The following BBS9 variants were observed in gnomAD, a reference collection of about 807,000 sequenced individuals.
BBS9 encodes the protein Bardet-Biedl syndrome 9.
BBS9 carries 89 observed loss-of-function variants against 117.7 expected under a neutral mutation model. The ratio of observed to expected loss-of-function variants is 0.76; its 90% confidence interval spans 0.64 to 0.90. The LOEUF is 0.90. Among genes scored for constraint, BBS9 ranks in the 40% least tolerant of loss-of-function variants. The pLI is 0.00. For synonymous variants in BBS9, 379 were observed against 370.9 expected, an observed-to-expected ratio of 1.02 and a Z score of -0.25; for missense variants, 982 against 1,042.2, an observed-to-expected ratio of 0.94 and a Z score of 0.80.
chr7:33,279,633 C>A (rs1801438394), intron 9 of BBS9, among the ~76,000 whole-genome samples: 1 of 152,190 alleles, frequency 6.6e-6, no homozygotes, highest in Non-Finnish European at 1.5e-5. Flanking sequence ...TCTTTCCACT[C>A]CCACCTACTT....
intron 9 of BBS9, among the ~76,000 whole-genome samples, chr7:33,306,686 A>G (rs1361231042): frequency 6.6e-6 from 1 of 152,134 alleles, no homozygotes; most frequent in Non-Finnish European, 1.5e-5. Context: ...GAGTAGACGT[A>G]CAAAAAGCAT....
intron 5 of BBS9, among the ~76,000 whole-genome samples, chr7:33,250,503 AC>A (rs1356555052): frequency 6.6e-6 from 1 of 152,168 alleles, no homozygotes; most frequent in Non-Finnish European, 1.5e-5. Flanking sequence ...GAATGACAAA[AC>A]TTTCATGGCT....
chr7:33,439,248 A>C (rs998303739), intron 19 of BBS9, among the ~76,000 whole-genome samples: 2 of 152,108 alleles, frequency 1.3e-5, no homozygotes, highest in Non-Finnish European at 2.9e-5. Context: ...TTTTGGAATC[A>C]GTTTATTTCT....
At position 33,397,955 on chromosome 7, in the gene BBS9, C is replaced by T. The variant is rs183923785; in HGVS notation, c.2115+9811C>T. 4.9e-3 allele frequency among the ~76,000 whole-genome samples: 751 copies of T among 151,750 alleles called. 10 individuals carry two copies. Among genetic ancestry groups the T allele is most frequent in the African/African-American group, 0.017 (709 of 41,360 alleles). On this transcript the variant is annotated intron_variant, in intron 19 of 22. Transcript: ENST00000242067. ...CTGTGTAACAAACCTGCACATCCTGCACATGTACCCTTGAACTTAAAATAA... is the reference window on the plus strand; with the variant it reads ...CTGTGTAACAAACCTGCACATCCTGTACATGTACCCTTGAACTTAAAATAA...
intron 7 of BBS9, among the ~76,000 whole-genome samples, chr7:33,266,438 A>T (rs963222838): frequency 6.6e-6 from 1 of 152,212 alleles, no homozygotes; most frequent in African/African-American, 2.4e-5. Context: ...GTGTTCAGAA[A>T]AATAATTTGT....
intron 19 of BBS9, among the ~76,000 whole-genome samples, chr7:33,465,696 A>G (rs1840063586): frequency 6.6e-6 from 1 of 152,114 alleles, no homozygotes; most frequent in African/African-American, 2.4e-5. Context: ...TGGTGACAAT[A>G]GCCTCATTTT....
chr7:33,558,019 A>G (rs926027021), intron 21 of BBS9, among the ~76,000 whole-genome samples: 1 of 152,230 alleles, frequency 6.6e-6, no homozygotes. Context: ...GAAGTGAGGT[A>G]AACTGGGAAC....
chr7:33,367,806 T>C lies in BBS9; in HGVS notation c.1733T>C (p.Met578Thr), dbSNP rs1822077063. ...TCAGATGATGATCAGGTGAATGTAA[T>C]GGGTTTTCACTTCTTAGGAGGTGCT... ...SQSDDDQVNV[M>T]GFHFLGGARI... Residue 578 changes from methionine to threonine, a missense_variant, in exon 17 of 23, where the codon ATG becomes ACG. Met to Thr is a moderately conservative substitution (Grantham distance 81). Transcript: ENST00000242067. 6.2e-7 allele frequency: 1 copy of C among 1,613,920 alleles called. No homozygotes were observed. The highest frequency in any genetic ancestry group is 1.7e-4 in the Middle Eastern group (1 of 6,056).
chr7:33,484,172 C>A (rs950737295), intron 19 of BBS9, among the ~76,000 whole-genome samples: 17 of 152,264 alleles, frequency 1.1e-4, no homozygotes, highest in African/African-American at 4.1e-4. Flanking sequence ...CCACTTAAAT[C>A]AAATTCAGCA....
intron 19 of BBS9, among the ~76,000 whole-genome samples, chr7:33,485,774 A>G (rs968309556): frequency 3.3e-5 from 5 of 152,236 alleles, no homozygotes; most frequent in African/African-American, 1.2e-4. Context: ...ACTCAAATCC[A>G]AAATTAAATA....
chr7:33,482,079 C>T (rs1020120421), intron 19 of BBS9, among the ~76,000 whole-genome samples: 1 of 151,904 alleles, frequency 6.6e-6, no homozygotes, highest in African/African-American at 2.4e-5. Flanking sequence ...GAGGGTGGTA[C>T]TAAAGTGTGA....
intron 5 of BBS9, among the ~76,000 whole-genome samples, chr7:33,191,982 T>C (rs1476779101): frequency 6.6e-6 from 1 of 151,922 alleles, no homozygotes; most frequent in African/African-American, 2.4e-5. Context: ...AAGCACCACC[T>C]CCCAAACGCA....
At chr7:33,268,137 A>T (rs1799130485) in intron 7 of BBS9, among the ~76,000 whole-genome samples, 2 of 152,222 alleles carry the variant, frequency 1.3e-5, no homozygotes, top group South Asian at 4.1e-4. Context: ...TGGTGGGCAC[A>T]GGAAATATCT....
chr7:33,361,041 T>C (rs981526220), intron 16 of BBS9, among the ~76,000 whole-genome samples: 3 of 152,198 alleles, frequency 2.0e-5, no homozygotes, highest in African/African-American at 4.8e-5. Context: ...GAAATAGCTA[T>C]ATAGTAATGA....
chr7:33,165,197 C>A (rs192798423), intron 4 of BBS9, among the ~76,000 whole-genome samples: 1 of 152,132 alleles, frequency 6.6e-6, no homozygotes, highest in African/African-American at 2.4e-5. Context: ...CCGAGAGATC[C>A]GCTGTTAGTC....
chr7:33,383,550 C>T (rs1359065989), intron 17 of BBS9, 116 bp from the exon 18 acceptor site: 1 of 941,000 alleles, frequency 1.1e-6, no homozygotes, highest in Non-Finnish European at 1.6e-6. Flanking sequence ...GTAATCATAT[C>T]TTTGTTACAA....
In BBS9 at chr7:33,472,477, C is replaced by T. The variant is rs563795105; in HGVS notation, c.2116-32986C>T. Among the ~76,000 whole-genome samples, 199 of 152,126 alleles carry T rather than the reference C, an allele frequency of 1.3e-3. 2 individuals are homozygous for T. Among genetic ancestry groups the T allele is most frequent in the African/African-American group, 4.5e-3 (188 of 41,524 alleles). ...TCTGTATCTAATTCTAGTAAATGGGCCAAATGTAATAAGTAAGCTTGAAGC... is the reference window on the plus strand; with the variant it reads ...TCTGTATCTAATTCTAGTAAATGGGTCAAATGTAATAAGTAAGCTTGAAGC... On this transcript the variant is annotated intron_variant, in intron 19 of 22. Coordinates refer to ENST00000242067, the MANE Select transcript of BBS9 (RefSeq NM_198428.3).
intron 3 of BBS9, 31 bp from the exon 4 acceptor site, chr7:33,155,607 G>A: frequency 6.6e-7 from 1 of 1,510,482 alleles, no homozygotes; most frequent in Non-Finnish European, 9.2e-7. Context: ...GCTAATATTG[G>A]AAAACTTTAA....
At chr7:33,136,870 G>A (rs906573588) in intron 1 of BBS9, among the ~76,000 whole-genome samples, 2 of 151,980 alleles carry the variant, frequency 1.3e-5, no homozygotes, top group Non-Finnish European at 2.9e-5. Context: ...TTTATTTTTT[G>A]GAGTGGTTTT....
Sources: allele counts gnomAD v4.1 joint callset (sites outside exome capture counted in the v4.1 genomes callset), GRCh38; gene constraint gnomAD v4.1.1; transcripts MANE v1.5; gene names NCBI Gene and HGNC (gene_info 2026-07-23, HGNC 2026-07-21).